The following CCDC33 variants were observed in gnomAD, a reference collection of about 807,000 sequenced individuals.
The protein encoded by CCDC33 is coiled-coil domain containing 33.
In CCDC33, 94 loss-of-function variants were observed where a neutral mutation model predicts 91.9. The ratio of observed to expected loss-of-function variants is 1.02; its 90% CI spans 0.87 to 1.21. The LOEUF (loss-of-function observed/expected upper bound fraction) is 1.21, where lower values mean the gene tolerates loss of function less well. CCDC33 is among the 50% of genes most tolerant of loss of function. CCDC33 has a pLI of 0.00. For missense variants in CCDC33, 940 were observed against 935.5 expected (o/e 1.00, Z -0.06); for synonymous variants, 396 against 374.5 (o/e 1.06, Z -0.66).
chr15:74,236,509 G>GGCCCCCCCCCCCCCC lies in CCDC33; in HGVS notation c.-211_-210insGCCCCCCCCCCCCCC. 2.6e-6 allele frequency: 1 copy of GGCCCCCCCCCCCCCC among 382,794 alleles called. No individual in the cohort carries two copies. Among genetic ancestry groups the GGCCCCCCCCCCCCCC allele is most frequent in the Non-Finnish European group, 4.8e-6 (1 of 206,592 alleles). 23.7% of individuals were successfully genotyped at this position (382,794 alleles called of 1,614,324 possible). On this transcript the variant is annotated 5_prime_UTR_variant, in exon 1 of 19. Coordinates refer to ENST00000398814, the MANE Select transcript of CCDC33 (RefSeq NM_025055.5). ...GAGATCCAGGACCTGCTCCCACCTG[G>GGCCCCCCCCCCCCCC]CCACCCTCCCCCTCCCCCCACATCC... is the stretch of plus-strand genomic sequence containing the variant.
In CCDC33 at chr15:74,332,719, T is replaced by C. The variant is rs748689042; in HGVS notation, c.1812T>C (p.Ser604=). The change falls in exon 16 of 19, where the codon TCT becomes TCC. Residue 604 remains serine (S), a synonymous_variant. Transcript: ENST00000398814. ...CAGCCTCTGGCCTTCCCTTGGGTTCTATGGGAGAGAACCTGCCGGTTGAAC... is the reference window on the plus strand; with the variant it reads ...CAGCCTCTGGCCTTCCCTTGGGTTCCATGGGAGAGAACCTGCCGGTTGAAC... ...MLSASGLPLG[S]MGENLPVELY... is the part of the protein sequence containing the mutation. The C allele has an allele frequency of 1.9e-6, 3 of 1,614,232 alleles. No individual in the cohort carries two copies. The highest frequency in any genetic ancestry group is 2.2e-5 in the East Asian group (1 of 44,890).
chr15:74,297,864 A>G (rs1222189364), intron 11 of CCDC33, among the ~76,000 whole-genome samples: 1 of 152,222 alleles, frequency 6.6e-6, no homozygotes, highest in African/African-American at 2.4e-5. Context: ...CGGAGGGGCC[A>G]ACCAGCCAAC....
chr15:74,319,115 G>A (rs1451654055), intron 11 of CCDC33, among the ~76,000 whole-genome samples: 1 of 152,194 alleles, frequency 6.6e-6, no homozygotes, highest in African/African-American at 2.4e-5. Context: ...AGCTCAGACT[G>A]GGGGCTGGGG....
chr15:74,226,827 C>CAAA (rs1167716008), intron 2 of CCDC33, among the ~76,000 whole-genome samples: 2 of 83,710 alleles, frequency 2.4e-5, no homozygotes, highest in Admixed American at 1.3e-4. Flanking sequence ...GACTCCATCT[C>CAAA]AAAAAAAAAA....
chr15:74,335,444 A>T, intron 18 of CCDC33: 1 of 518,932 alleles, frequency 1.9e-6, no homozygotes. Flanking sequence ...TTGTGGCCCT[A>T]CCCCCCTGAA....
chr15:74,335,817 C>T, intron 18 of CCDC33, 108 bp from the exon 19 acceptor site: 1 of 827,322 alleles, frequency 1.2e-6, no homozygotes, highest in Non-Finnish European at 2.0e-6. Context: ...GGTCATGGCC[C>T]ACTGGATTCT....
chr15:74,331,159 G>C (rs776802498), intron 14 of CCDC33, 44 bp from the exon 15 acceptor site: 1 of 1,613,938 alleles, frequency 6.2e-7, no homozygotes, highest in Admixed American at 1.7e-5. Flanking sequence ...TGATGGCAGA[G>C]TAGGGAGCCC....
chr15:74,332,916 C>G lies in CCDC33; in HGVS notation c.1938+71C>G, dbSNP rs2060471689. The stretch of plus-strand genomic sequence containing the variant: ...CCCAGAAATCACCCATGGTACAACC[C>G]AAGTTGAAGATCAAGACCAGGAGCT... On this transcript the variant is annotated intron_variant, in intron 16 of 18. Coordinates refer to ENST00000398814, the MANE Select transcript of CCDC33 (RefSeq NM_025055.5). 28 of 1,543,054 alleles carry G rather than the reference C, an allele frequency of 1.8e-5. No homozygotes were observed. The South Asian group carries it at 3.4e-4, about 19-fold the overall frequency.
At chr15:74,215,299 G>C (rs1250676425), upstream of CCDC33, among the ~76,000 whole-genome samples, 5 of 152,180 alleles carry the variant, frequency 3.3e-5, no homozygotes, top group African/African-American at 9.6e-5. Flanking sequence ...AATACTGTAA[G>C]ATTCCAATTC....
intron 1 of CCDC33, among the ~76,000 whole-genome samples, chr15:74,239,050 C>T (rs2075266724): frequency 6.6e-6 from 1 of 152,208 alleles, no homozygotes; most frequent in African/African-American, 2.4e-5. Flanking sequence ...ACTGAAAGTC[C>T]TTGTGAAACT....
At chr15:74,226,689 G>T (rs541016453) in intron 2 of CCDC33, among the ~76,000 whole-genome samples, 3 of 152,196 alleles carry the variant, frequency 2.0e-5, no homozygotes, top group Admixed American at 1.3e-4. Flanking sequence ...TTAGCCCGTC[G>T]TGGTGGCATG....
intron 11 of CCDC33, chr15:74,300,220 G>C (rs1400536293): frequency 6.6e-6 from 1 of 152,268 alleles, no homozygotes; most frequent in Non-Finnish European, 1.5e-5. Context: ...GCAATCGAAC[G>C]TGGCCGCGGA....
At chr15:74,250,698 T>A (rs2075681456) in intron 2 of CCDC33, among the ~76,000 whole-genome samples, 1 of 152,228 alleles carries the variant, frequency 6.6e-6, no homozygotes, top group African/African-American at 2.4e-5. Context: ...TCTGCTTTGC[T>A]CACCATTTTA....
chr15:74,236,943 C>A (rs1007151459), intron 1 of CCDC33, among the ~76,000 whole-genome samples: 1 of 152,252 alleles, frequency 6.6e-6, no homozygotes. Flanking sequence ...CACACGGGAA[C>A]TGGAATGCAG....
intron 5 of CCDC33, among the ~76,000 whole-genome samples, chr15:74,271,078 G>A (rs944613241): frequency 2.6e-5 from 4 of 152,142 alleles, no homozygotes; most frequent in Non-Finnish European, 4.4e-5. Context: ...GGGGAAACCA[G>A]CAAGGCAGGA....
upstream of CCDC33, among the ~76,000 whole-genome samples, chr15:74,233,159 C>T (rs903384595): frequency 6.6e-6 from 1 of 152,240 alleles, no homozygotes; most frequent in Non-Finnish European, 1.5e-5. Flanking sequence ...GTGCAGTCCT[C>T]CTGGTCCACA....
At chr15:74,286,574 A>C (rs894299120) in intron 10 of CCDC33, among the ~76,000 whole-genome samples, 8 of 152,292 alleles carry the variant, frequency 5.3e-5, no homozygotes, top group Admixed American at 6.5e-5. Context: ...TCACTGCATC[A>C]GTTCCTGCCT....
At chr15:74,233,241 G>A (rs1201590438), upstream of CCDC33, among the ~76,000 whole-genome samples, 1 of 152,212 alleles carries the variant, frequency 6.6e-6, no homozygotes, top group African/African-American at 2.4e-5. Flanking sequence ...ACATGAGGCA[G>A]GGGCGTGGGA....
chr15:74,268,352 C>T lies in CCDC33; in HGVS notation c.440C>T (p.Ser147Phe). Residue 147 changes from serine to phenylalanine, a missense_variant, in exon 5 of 19, where the codon TCT becomes TTT. Transcript: ENST00000398814. Reference protein sequence around the residue: ...YHFELVKPTESGKADEATAKT... With the variant: ...YHFELVKPTEFGKADEATAKT... ...CAACCCTGTCTCCAGCCCACTGAGT[C>T]TGGGAAAGCCGATGAAGCCACTGCC... is the stretch of plus-strand genomic sequence containing the variant. 1 of 1,613,382 alleles carries T rather than the reference C, an allele frequency of 6.2e-7. No homozygotes were observed. Among genetic ancestry groups the T allele is most frequent in the Non-Finnish European group, 8.5e-7 (1 of 1,179,402 alleles).
Sources: allele counts gnomAD v4.1 joint callset (sites outside exome capture counted in the v4.1 genomes callset), GRCh38; gene constraint gnomAD v4.1.1; transcripts MANE v1.5; gene names NCBI Gene and HGNC (gene_info 2026-07-23, HGNC 2026-07-21).